Variants in ZNF85 observed in about 807,000 individuals in gnomAD.
ZNF85 encodes the protein zinc finger protein 85, also known as zinc finger protein 85 (HPF4, HTF1).
Under a neutral mutation model 53.9 loss-of-function variants are expected in ZNF85, and 50 were observed. That is an observed-to-expected ratio of 0.93 (90% CI 0.74 to 1.17). The LOEUF (loss-of-function observed/expected upper bound fraction) is 1.17, where lower values mean the gene tolerates loss of function less well. Ranked by LOEUF, ZNF85 falls within the 50% of genes most tolerant of loss-of-function variation. The probability of loss-of-function intolerance (pLI) is 0.00; values close to 1 mark genes in which losing one functional copy is unlikely to be tolerated. For missense variants in ZNF85, 747 were observed against 688.5 expected, an observed-to-expected ratio of 1.08 and a Z score of -0.95; for synonymous variants, 225 against 226.1, an observed-to-expected ratio of 1.00 and a Z score of 0.04.
chr19:20,934,000 T>C lies in ZNF85; in HGVS notation c.4-24T>C, dbSNP rs747445465. The C allele has an allele frequency of 8.9e-6, 14 of 1,565,304 alleles. No individual in the cohort carries two copies. The African/African-American group carries it at 1.9e-4, about 21-fold the overall frequency. On this transcript the variant is annotated intron_variant, in intron 1 of 3. Transcript: ENST00000328178. ...GTGTGTGTGTGTGTGTGTGTGTGTA[T>C]GTGTATGTGTGTGTATCTTTCAGGG... is the stretch of plus-strand genomic sequence containing the variant.
At chr19:20,944,745 A>G (rs938041859) in intron 3 of ZNF85, among the ~76,000 whole-genome samples, 1 of 151,510 alleles carries the variant, frequency 6.6e-6, no homozygotes, top group Non-Finnish European at 1.5e-5. Context: ...TTTGCGTTTT[A>G]TATTTAAGGG....
At chr19:20,930,485 C>T (rs558758371) in intron 1 of ZNF85, among the ~76,000 whole-genome samples, 1 of 151,740 alleles carries the variant, frequency 6.6e-6, no homozygotes, top group Non-Finnish European at 1.5e-5. Flanking sequence ...GACAGAGAAA[C>T]AAGAAGAAAT....
Position 20,949,173 on chromosome 19 carries a change from AT to A in ZNF85, c.660del (p.His220GlnfsTer59), listed in dbSNP as rs1973499235. ...AFNWSSTLTK[H>X]KRIHTGEKPY... is the part of the protein sequence containing the mutation. ...AACTGGTCCTCAACCCTTACTAAAC[AT>A]AAGAGAATTCATACGGGAGAGAAAC... On this transcript the variant is annotated frameshift_variant, in exon 4 of 4. Transcript: ENST00000328178. LOFTEE classifies it high-confidence loss of function. 6.2e-7 allele frequency: 1 copy of A among 1,613,442 alleles called. No homozygotes were observed. The highest frequency in any genetic ancestry group is 1.3e-5 in the African/African-American group (1 of 74,892).
rs1456408298 is a variant in ZNF85 at position 20,949,017 on chromosome 19, A to T, written c.503A>T (p.His168Leu). 1 of 1,613,796 alleles carries T rather than the reference A, an allele frequency of 6.2e-7. No homozygotes were observed. The highest frequency in any genetic ancestry group is 8.5e-7 in the Non-Finnish European group (1 of 1,179,808). ...AATTCAAACAGACATGAGATAAGAC[A>T]TACTAAAAAGAAACCTTTCAAATGT... ...FSNSNRHEIR[H>L]TKKKPFKCTK... Residue 168 changes from histidine (H) to leucine (L), a missense_variant, in exon 4 of 4, where the codon CAT (histidine) becomes CTT (leucine). Coordinates refer to ENST00000328178, the MANE Select transcript of ZNF85 (RefSeq NM_003429.5).
At chr19:20,928,726 C>A (rs574300006) in intron 1 of ZNF85, 1 of 152,346 alleles carries the variant, frequency 6.6e-6, no homozygotes, top group Non-Finnish European at 1.5e-5. Flanking sequence ...GTTTTCTCCA[C>A]CAACCTAGGG....
intron 2 of ZNF85, among the ~76,000 whole-genome samples, chr19:20,934,408 A>G (rs1973106663): frequency 6.7e-6 from 1 of 148,590 alleles, no homozygotes; most frequent in Non-Finnish European, 1.5e-5. Context: ...ATGGCATAAA[A>G]TTTTTGCCCA....
At chr19:20,943,045 G>A in intron 3 of ZNF85, 1 of 471,516 alleles carries the variant, frequency 2.1e-6, no homozygotes, top group South Asian at 4.3e-5. Flanking sequence ...CAAAGTGTTG[G>A]GATTATAGGT....
chr19:20,927,491 A>C (rs1972907188), intron 1 of ZNF85: 1 of 146,054 alleles, frequency 6.8e-6, no homozygotes, highest in African/African-American at 2.4e-5. Context: ...GTGAAGACAA[A>C]TTCAGCTCAT....
At chr19:20,941,843 T>C (rs1386745785) in intron 3 of ZNF85, among the ~76,000 whole-genome samples, 4 of 152,200 alleles carry the variant, frequency 2.6e-5, no homozygotes, top group African/African-American at 7.2e-5. Flanking sequence ...TGCTCATGCG[T>C]TTAATGTCGT....
In ZNF85 at chr19:20,949,004, CATGAG is replaced by C. The variant is rs1973492679; in HGVS notation, c.493_497del (p.Glu165LysfsTer4). ...TCATAAATTTTCAAATTCAAACAGACATGAGATAAGACATACTAAAAAGAAACCTT... is the reference window on the plus strand; with the variant it reads ...TCATAAATTTTCAAATTCAAACAGACATAAGACATACTAAAAAGAAACCTT... On this transcript the variant is annotated frameshift_variant, in exon 4 of 4. Coordinates refer to ENST00000328178, the MANE Select transcript of ZNF85 (RefSeq NM_003429.5). LOFTEE classifies it high-confidence loss of function. 3 of 1,613,604 alleles carry C rather than the reference CATGAG, an allele frequency of 1.9e-6. 1 individual carries two copies. The South Asian group carries it at 3.3e-5, about 18-fold the overall frequency.
chr19:20,947,452 A>G (rs928719418), intron 3 of ZNF85, among the ~76,000 whole-genome samples: 1 of 119,560 alleles, frequency 8.4e-6, no homozygotes. Flanking sequence ...TATTTTTAGC[A>G]TCTTTGATAT....
intron 3 of ZNF85, 97 bp from the exon 4 acceptor site, chr19:20,948,643 TCTTA>T (rs747295492): frequency 8.0e-5 from 72 of 903,962 alleles, no homozygotes; most frequent in Middle Eastern, 3.2e-4. Context: ...TGCTGTGCCA[TCTTA>T]CTTAATGTAG....
chr19:20,933,727 T>C (rs1973082468), intron 1 of ZNF85, among the ~76,000 whole-genome samples: 1 of 152,232 alleles, frequency 6.6e-6, no homozygotes, highest in African/African-American at 2.4e-5. Context: ...TTTATGCCCT[T>C]AATTTTATAC....
chr19:20,923,259 C>T lies in ZNF85; in HGVS notation c.-142C>T. 1 of 1,355,148 alleles carries T rather than the reference C, an allele frequency of 7.4e-7. No homozygotes were observed. The highest frequency in any genetic ancestry group is 1.0e-6 in the Non-Finnish European group (1 of 974,886). The allele number at this position is 1,355,148 out of a possible 1,614,324, so 83.9% of individuals were successfully genotyped here. A position where few individuals can be genotyped will look rare whatever the true frequency, so the allele number is the denominator to read the frequency against. ...TTCCGGGATGTGGCGGGGCCTTTGT[C>T]TCTCGCTGCAGCCTGAGCTCTAGGT... On this transcript the variant is annotated 5_prime_UTR_variant, in exon 1 of 4. Transcript: ENST00000328178.
At position 20,949,879 on chromosome 19, in the gene ZNF85, ATG is replaced by A. The variant is rs1568558092; in HGVS notation, c.1368_1369del (p.Cys456Ter). The A allele has an allele frequency of 2.5e-6, 4 of 1,612,800 alleles. No individual in the cohort carries two copies. In the African/African-American group the frequency reaches 5.3e-5, roughly 22 times the overall value. On this transcript the variant is annotated frameshift_variant, in exon 4 of 4. Transcript: ENST00000328178. LOFTEE classifies it high-confidence loss of function. ...TTCATACTGGAGAGAAACCCTATGA[ATG>A]TGAAAAATGTGGCAAAGCTTTTAAC... ...KIHTGEKPYE[C>X]EKCGKAFNQS...
At chr19:20,931,559 T>G (rs1324524927) in intron 1 of ZNF85, among the ~76,000 whole-genome samples, 2 of 152,144 alleles carry the variant, frequency 1.3e-5, no homozygotes, top group Non-Finnish European at 2.9e-5. Flanking sequence ...CAGGACTGTT[T>G]CTGTTTGGAT....
At chr19:20,923,521 C>A in intron 1 of ZNF85, 118 bp downstream of exon 1, 1 of 1,540,500 alleles carries the variant, frequency 6.5e-7, no homozygotes, top group South Asian at 1.2e-5. Flanking sequence ...CGCTCCAGTT[C>A]TTTTTGCCCA....
intron 1 of ZNF85, among the ~76,000 whole-genome samples, chr19:20,925,681 C>T (rs969474029): frequency 6.6e-6 from 1 of 152,112 alleles, no homozygotes; most frequent in Non-Finnish European, 1.5e-5. Flanking sequence ...TGTAGTGTCT[C>T]TTGAGAGGTT....
intron 3 of ZNF85, among the ~76,000 whole-genome samples, chr19:20,938,223 C>T (rs1973205290): frequency 6.6e-6 from 1 of 152,140 alleles, no homozygotes; most frequent in African/African-American, 2.4e-5. Flanking sequence ...GCACACACCA[C>T]CACACAGGGC....
Sources: allele counts gnomAD v4.1 joint callset (sites outside exome capture counted in the v4.1 genomes callset), GRCh38; gene constraint gnomAD v4.1.1; transcripts MANE v1.5; gene names NCBI Gene and HGNC (gene_info 2026-07-23, HGNC 2026-07-21).